C4orf36: variants seen among roughly 807,000 people sequenced by gnomAD.
C4orf36 encodes uncharacterized protein C4orf36.
Under a neutral mutation model 12.2 loss-of-function variants are expected in C4orf36, and 11 were observed. The ratio of observed to expected loss-of-function variants is 0.90; its 90% CI spans 0.57 to 1.49. The LOEUF is 1.49. Ranked by LOEUF, C4orf36 falls within the 40% of genes most tolerant of loss-of-function variation. The probability of loss-of-function intolerance (pLI) is 0.00; values close to 1 mark genes in which losing one functional copy is unlikely to be tolerated. For synonymous variants in C4orf36, 54 were observed against 51.3 expected (o/e 1.05, Z -0.22); for missense variants, 137 against 133.9 (o/e 1.02, Z -0.11).
At chr4:86,887,068 A>T (rs1424938775) in intron 4 of C4orf36, 1 of 150,060 alleles carries the variant, frequency 6.7e-6, no homozygotes, top group Non-Finnish European at 1.5e-5. Context: ...AAAAATGAGA[A>T]CACTTGGACA....
the C4orf36 span, among the ~76,000 whole-genome samples, chr4:86,922,203 C>G: frequency 6.6e-6 from 1 of 152,168 alleles, no homozygotes; most frequent in African/African-American, 2.4e-5. Flanking sequence ...CCACCAGACA[C>G]AAATAATTTT....
At chr4:86,883,921 C>T (rs551632134) in intron 4 of C4orf36, among the ~76,000 whole-genome samples, 11 of 151,784 alleles carry the variant, frequency 7.2e-5, no homozygotes, top group African/African-American at 2.4e-4. Context: ...CCCAGCCACT[C>T]GTGTTACTGA....
At chr4:86,895,543 G>A (rs555306303), upstream of C4orf36, among the ~76,000 whole-genome samples, 13 of 152,276 alleles carry the variant, frequency 8.5e-5, no homozygotes, top group South Asian at 2.7e-3. Flanking sequence ...CATCCAGGAC[G>A]ACTTAAGATC....
chr4:86,892,540 C>A (rs998341399), upstream of C4orf36: 10 of 875,146 alleles, frequency 1.1e-5, no homozygotes, highest in Non-Finnish European at 1.2e-5. Flanking sequence ...TCTCTGGTAA[C>A]CGGGCCGGGG....
intron 4 of C4orf36, among the ~76,000 whole-genome samples, chr4:86,886,174 T>A (rs1339833075): frequency 6.6e-6 from 1 of 152,174 alleles, no homozygotes; most frequent in East Asian, 1.9e-4. Flanking sequence ...TTTGGTTGTG[T>A]CTCTACCAGG....
the C4orf36 span, among the ~76,000 whole-genome samples, chr4:86,929,762 A>G: frequency 6.6e-6 from 1 of 152,222 alleles, no homozygotes; most frequent in Non-Finnish European, 1.5e-5. Flanking sequence ...AAGAATAAAG[A>G]CATAAAACAA....
chr4:86,916,759 C>T, the C4orf36 span, among the ~76,000 whole-genome samples: 33 of 152,230 alleles, frequency 2.2e-4, no homozygotes, highest in African/African-American at 7.7e-4. Flanking sequence ...TGTCCACCAT[C>T]ATGGTATTCC....
At chr4:86,882,900 C>T (rs1747081803) in intron 4 of C4orf36, among the ~76,000 whole-genome samples, 1 of 152,216 alleles carries the variant, frequency 6.6e-6, no homozygotes, top group African/African-American at 2.4e-5. Flanking sequence ...AAAACCCAGC[C>T]TGCCCTTTCC....
chr4:86,885,698 C>A (rs140496318), intron 4 of C4orf36, among the ~76,000 whole-genome samples: 1 of 152,020 alleles, frequency 6.6e-6, no homozygotes, highest in Non-Finnish European at 1.5e-5. Flanking sequence ...ATTTCTTTCT[C>A]CTGCCTGATT....
Position 86,876,373 on chromosome 4 carries a change from C to G in C4orf36, c.*73G>C. 3 of 1,601,090 alleles carry G rather than the reference C, an allele frequency of 1.9e-6. No individual in the cohort carries two copies. Among genetic ancestry groups the G allele is most frequent in the Non-Finnish European group, 1.7e-6 (2 of 1,174,334 alleles). ...GCGACGGCCGGGGCCGGGAGCGGGTCCTGGGCGGCCCAGGAGAAGCAGTTC... is the reference window on the plus strand; with the variant it reads ...GCGACGGCCGGGGCCGGGAGCGGGTGCTGGGCGGCCCAGGAGAAGCAGTTC... On this transcript the variant is annotated 3_prime_UTR_variant, in exon 5 of 5. Coordinates refer to ENST00000295898, the MANE Select transcript of C4orf36 (RefSeq NM_144645.4).
chr4:86,905,820 C>T, the C4orf36 span, among the ~76,000 whole-genome samples: 2 of 151,632 alleles, frequency 1.3e-5, no homozygotes, highest in Admixed American at 1.3e-4. Flanking sequence ...AAGGTTCAAG[C>T]AATTCTGCCT....
chr4:86,878,931 C>T (rs1216277737), intron 4 of C4orf36, among the ~76,000 whole-genome samples: 2 of 152,206 alleles, frequency 1.3e-5, no homozygotes, highest in East Asian at 1.9e-4. Context: ...GTTATACACA[C>T]AAGCCCAGAG....
At chr4:86,884,299 A>ATT (rs150771483) in intron 4 of C4orf36, among the ~76,000 whole-genome samples, 5 of 49,582 alleles carry the variant, frequency 1.0e-4, no homozygotes, top group African/African-American at 3.0e-4. Flanking sequence ...AAAAGACTGA[A>ATT]TTTTTTTTTT....
At chr4:86,905,976 T>C in the C4orf36 span, among the ~76,000 whole-genome samples, 3 of 152,114 alleles carry the variant, frequency 2.0e-5, no homozygotes, top group African/African-American at 7.2e-5. Flanking sequence ...CTACCTTGGC[T>C]TCCCAAAGTG....
chr4:86,878,186 T>C (rs1394493615), intron 4 of C4orf36, among the ~76,000 whole-genome samples: 1 of 152,142 alleles, frequency 6.6e-6, no homozygotes, highest in African/African-American at 2.4e-5. Flanking sequence ...CACTCTAGCA[T>C]GGCACCGACA....
the C4orf36 span, among the ~76,000 whole-genome samples, chr4:86,903,961 G>A: frequency 1.4e-3 from 213 of 152,312 alleles, 1 homozygote; most frequent in African/African-American, 4.9e-3. Flanking sequence ...GACACAGAGC[G>A]CTGATTGGTG....
At chr4:86,894,334 C>T (rs1463653863), upstream of C4orf36, among the ~76,000 whole-genome samples, 2 of 152,180 alleles carry the variant, frequency 1.3e-5, no homozygotes, top group African/African-American at 4.8e-5. Context: ...CACATATACA[C>T]ATACGTGTGT....
the C4orf36 span, among the ~76,000 whole-genome samples, chr4:86,902,861 T>C: frequency 7.3e-3 from 1,119 of 152,272 alleles, 16 homozygotes; most frequent in African/African-American, 0.025. Flanking sequence ...TCCGTAATCA[T>C]ATGGAATCTT....
At chr4:86,928,388 C>T in the C4orf36 span, among the ~76,000 whole-genome samples, 16 of 152,270 alleles carry the variant, frequency 1.1e-4, no homozygotes, top group Non-Finnish European at 1.0e-4. Flanking sequence ...AAGAGAAATG[C>T]CCAGGAGTTG....
Sources: gnomAD v4.1 joint callset for allele counts (sites outside exome capture counted in the v4.1 genomes callset) on GRCh38, gnomAD v4.1.1 for gene constraint, MANE v1.5 for transcripts, NCBI Gene and HGNC (gene_info 2026-07-23, HGNC 2026-07-21) for gene names.